LTA4H: variants seen among roughly 807,000 people sequenced by gnomAD.
LTA4H encodes leukotriene A4 hydrolase, also known as leukotriene A-4 hydrolase.
In LTA4H, 59 loss-of-function variants were observed where a neutral mutation model predicts 89.8. The ratio of observed to expected loss-of-function variants is 0.66; its 90% CI spans 0.53 to 0.82. The LOEUF is 0.82. LTA4H is among the 40% of genes least tolerant of loss of function. The pLI is 0.00. For missense variants in LTA4H, 617 were observed against 727.0 expected, an observed-to-expected ratio of 0.85 and a Z score of 1.74; for synonymous variants, 227 against 253.1, an observed-to-expected ratio of 0.90 and a Z score of 0.98.
At chr12:96,017,900 TCTC>T (rs1264815301) in intron 8 of LTA4H, among the ~76,000 whole-genome samples, 3 of 152,346 alleles carry the variant, frequency 2.0e-5, no homozygotes, top group African/African-American at 4.8e-5. Flanking sequence ...ACTTTCTTTC[TCTC>T]CTATTACCCA....
At chr12:96,042,497 A>G (rs1416435551) in intron 1 of LTA4H, among the ~76,000 whole-genome samples, 1 of 152,130 alleles carries the variant, frequency 6.6e-6, no homozygotes, top group Non-Finnish European at 1.5e-5. Flanking sequence ...ATTTAGCAGG[A>G]GACAAGATAA....
chr12:96,008,547 CT>C (rs112741878), intron 15 of LTA4H, among the ~76,000 whole-genome samples: 9,385 of 147,068 alleles, frequency 0.064, 752 homozygotes, highest in East Asian at 0.21. Context: ...TTTTTGCATA[CT>C]TTTTTTTTTT....
At chr12:96,017,621 AT>A in intron 8 of LTA4H, 41 bp from the exon 9 acceptor site, 1 of 1,461,530 alleles carries the variant, frequency 6.8e-7, no homozygotes, top group Non-Finnish European at 9.6e-7. Flanking sequence ...TAGTAATCGA[AT>A]TACAGACTAT....
chr12:96,035,389 T>G lies in LTA4H; in HGVS notation c.131A>C (p.Gln44Pro). 1 of 1,611,764 alleles carries G rather than the reference T, an allele frequency of 6.2e-7. No homozygotes were observed. Among genetic ancestry groups the G allele is most frequent in the Non-Finnish European group, 8.5e-7 (1 of 1,179,054 alleles). Residue 44 changes from glutamine to proline, a missense_variant, in exon 1 of 19, where the codon CAG becomes CCG. Physicochemically the swap from Gln to Pro is moderately conservative, Grantham distance 76. Transcript: ENST00000228740. The part of the protein sequence containing the change: ...TLTGTAALTV[Q>P]SQEDNLRSLV... Reference sequence around the variant, plus strand: ...GCTGCGCAGATTGTCCTCCTGAGACTGGACCGTGAGAGCAGCAGTCCCGGT... The same window carrying G: ...GCTGCGCAGATTGTCCTCCTGAGACGGGACCGTGAGAGCAGCAGTCCCGGT...
intron 18 of LTA4H, among the ~76,000 whole-genome samples, chr12:96,002,342 A>G (rs1255931438): frequency 2.0e-5 from 3 of 152,246 alleles, no homozygotes; most frequent in Non-Finnish European, 4.4e-5. Flanking sequence ...TTTGATGGCC[A>G]AAACTGCAAT....
chr12:96,019,412 A>G (rs1164937465), intron 6 of LTA4H, among the ~76,000 whole-genome samples, 172 bp from the exon 7 acceptor site: 2 of 152,122 alleles, frequency 1.3e-5, no homozygotes, highest in East Asian at 3.9e-4. Context: ...GCTGTTGTAT[A>G]TGCAGCAATA....
intron 10 of LTA4H, among the ~76,000 whole-genome samples, chr12:96,016,206 C>T (rs1052287277): frequency 1.4e-5 from 2 of 146,154 alleles, no homozygotes; most frequent in Non-Finnish European, 1.5e-5. Flanking sequence ...CCCAGATACT[C>T]GGGAGGCTAA....
rs773978572 is a variant in LTA4H at position 96,018,747 on chromosome 12, A to C, written c.852+16T>G. 1 of 1,512,482 alleles carries C rather than the reference A, an allele frequency of 6.6e-7. No homozygotes were observed. Among genetic ancestry groups the C allele is most frequent in the South Asian group, 1.3e-5 (1 of 74,780 alleles). 93.7% of individuals were successfully genotyped at this position (1,512,482 alleles called of 1,614,324 possible). A position where few individuals can be genotyped will look rare whatever the true frequency, so the allele number is the denominator to read the frequency against. On this transcript the variant is annotated intron_variant, in intron 8 of 18. Transcript: ENST00000228740. Reference sequence around the variant, plus strand: ...TTTGAAACGTCAATTTCAAATGAAGAAACATTTACACTTACCAGTAGAGTA... The same window carrying C: ...TTTGAAACGTCAATTTCAAATGAAGCAACATTTACACTTACCAGTAGAGTA...
Position 96,035,268 on chromosome 12 carries a change from G to A in LTA4H, c.159+93C>T, listed in dbSNP as rs530375107. Reference sequence around the variant, plus strand: ...CGTGGGGCTAGGCAGGGGCCGCGGCGGGGTGAGCCGGAGATCCGGGAGCCC... The same window carrying A: ...CGTGGGGCTAGGCAGGGGCCGCGGCAGGGTGAGCCGGAGATCCGGGAGCCC... On this transcript the variant is annotated intron_variant, in intron 1 of 18. Transcript: ENST00000228740. The A allele has an allele frequency of 2.6e-5, 35 of 1,342,720 alleles. No homozygotes were observed. The South Asian group carries it at 4.4e-4, about 17-fold the overall frequency. The allele number at this position is 1,342,720 out of a possible 1,614,324, so 83.2% of individuals were successfully genotyped here.
At chr12:96,013,369 G>T in intron 13 of LTA4H, 111 bp from the exon 14 acceptor site, 1 of 627,430 alleles carries the variant, frequency 1.6e-6, no homozygotes, top group Non-Finnish European at 2.8e-6. Flanking sequence ...GCTATATCAA[G>T]ATAATTTCTA....
At position 96,017,115 on chromosome 12, in the gene LTA4H, C is replaced by T; in HGVS notation, c.877-1G>A. The T allele has an allele frequency of 6.3e-7, 1 of 1,599,510 alleles. No homozygotes were observed. Among genetic ancestry groups the T allele is most frequent in the Non-Finnish European group, 8.6e-7 (1 of 1,166,920 alleles). ...TATGAGATATTTCATGTGCAATGAC[C>T]TAAAGAAAACAGTGTGATTAATAGT... On this transcript the variant is annotated splice_acceptor_variant, in intron 9 of 18. Coordinates refer to ENST00000228740, the MANE Select transcript of LTA4H (RefSeq NM_000895.3). LOFTEE classifies it high-confidence loss of function.
At chr12:96,014,810 T>A in intron 12 of LTA4H, 45 bp downstream of exon 12, 1 of 1,551,450 alleles carries the variant, frequency 6.4e-7, no homozygotes, top group Non-Finnish European at 8.7e-7. Flanking sequence ...ATTCTCACAT[T>A]ACCCTCAAAA....
chr12:96,015,024 G>T (rs746163240), intron 11 of LTA4H, 25 bp from the exon 12 acceptor site: 146 of 1,601,346 alleles, frequency 9.1e-5, no homozygotes, highest in Non-Finnish European at 1.2e-4. Context: ...ATAACATGGA[G>T]AAACATATAG....
Position 96,035,411 on chromosome 12 carries a change from C to A in LTA4H, c.109G>T (p.Gly37Trp), listed in dbSNP as rs777544689. The change falls in exon 1 of 19, where the codon GGG (glycine) becomes TGG (tryptophan). Residue 37 changes from glycine (G) to tryptophan (W), a missense_variant. Gly to Trp is a radical substitution (Grantham distance 184). Coordinates refer to ENST00000228740, the MANE Select transcript of LTA4H (RefSeq NM_000895.3). ...SVDFTRRTLT[G>W]TAALTVQSQE... Reference sequence around the variant, plus strand: ...GACTGGACCGTGAGAGCAGCAGTCCCGGTCAGCGTCCGGCGAGTAAAGTCG... The same window carrying A: ...GACTGGACCGTGAGAGCAGCAGTCCAGGTCAGCGTCCGGCGAGTAAAGTCG... The A allele has an allele frequency of 9.9e-6, 16 of 1,611,020 alleles. No individual in the cohort carries two copies. The highest frequency in any genetic ancestry group is 1.4e-5 in the Non-Finnish European group (16 of 1,178,828).
rs868647534 is a variant in LTA4H, at chr12:96,014,266, G to C, written c.1205-413C>G. On this transcript the variant is annotated intron_variant, in intron 12 of 18. Transcript: ENST00000228740. ...AACACCTCAATGTCCATCAGTGGGG[G>C]ATGGGTACATAACTCAGCATAGCTT... is the stretch of plus-strand genomic sequence containing the variant. The C allele has an allele frequency of 7.1e-5, 12 of 169,600 alleles. No homozygotes were observed. The South Asian group carries it at 1.9e-3, about 27-fold the overall frequency. 10.5% of individuals were successfully genotyped at this position (169,600 alleles called of 1,614,324 possible).
At chr12:96,013,935 T>A (rs1950341146) in intron 12 of LTA4H, 82 bp from the exon 13 acceptor site, 1 of 668,436 alleles carries the variant, frequency 1.5e-6, no homozygotes, top group South Asian at 1.8e-5. Context: ...ATTGTACTAT[T>A]AACCACAGAG....
In LTA4H at chr12:96,008,850, T is replaced by C. The variant is rs551773925; in HGVS notation, c.1434+244A>G. Among the ~76,000 whole-genome samples the C allele has an allele frequency of 1.3e-3, 204 of 152,170 alleles. 6 individuals carry two copies. The South Asian group carries it at 0.042, about 31-fold the overall frequency. On this transcript the variant is annotated intron_variant, in intron 15 of 18. Coordinates refer to ENST00000228740, the MANE Select transcript of LTA4H (RefSeq NM_000895.3). ...GGGACAACTGACTGAGCCCAGGAGG[T>C]TGAGGCTGCAATGAGCCATGATCAC...
At chr12:96,036,008 T>C (rs906842986), upstream of LTA4H, among the ~76,000 whole-genome samples, 5 of 152,174 alleles carry the variant, frequency 3.3e-5, no homozygotes, top group Admixed American at 6.5e-5. Flanking sequence ...CAGAAGGCTT[T>C]CTTTCGTGCG....
chr12:96,026,617 A>G (rs1041825966), intron 3 of LTA4H, among the ~76,000 whole-genome samples: 43 of 152,218 alleles, frequency 2.8e-4, no homozygotes, highest in African/African-American at 9.2e-4. Flanking sequence ...AAGTGGCCAT[A>G]GAAAGTAAAC....
Sources: allele counts gnomAD v4.1 joint callset (sites outside exome capture counted in the v4.1 genomes callset), GRCh38; gene constraint gnomAD v4.1.1; transcripts MANE v1.5; gene names NCBI Gene and HGNC (gene_info 2026-07-23, HGNC 2026-07-21).